The following GARIN5A variants were observed in gnomAD, a reference collection of about 807,000 sequenced individuals.
GARIN5A encodes Golgi-associated RAB2 interactor protein 5A.
the GARIN5A span, chr19:50,467,949 C>A: frequency 1.2e-6 from 1 of 837,100 alleles, no homozygotes; most frequent in Non-Finnish European, 1.9e-6. Flanking sequence ...TTTCCACTTT[C>A]ATTGCCTCTT....
chr19:50,473,274 GTCCT>G, the GARIN5A span, among the ~76,000 whole-genome samples: 12 of 152,120 alleles, frequency 7.9e-5, no homozygotes, highest in East Asian at 3.9e-4. Context: ...ATGTGAGTTT[GTCCT>G]TCCTTCCTTC....
chr19:50,474,470 C>T, the GARIN5A span, among the ~76,000 whole-genome samples: 896 of 152,096 alleles, frequency 5.9e-3, 10 homozygotes, highest in African/African-American at 0.021. Flanking sequence ...CTCAGCCTCC[C>T]GAGTAGCTGG....
the GARIN5A span, chr19:50,467,931 C>G: frequency 1.0e-6 from 1 of 979,168 alleles, no homozygotes; most frequent in Non-Finnish European, 1.6e-6. Context: ...CTCTGCCCCA[C>G]GAATCCCTTT....
At chr19:50,475,627 T>C in the GARIN5A span, 1 of 716,986 alleles carries the variant, frequency 1.4e-6, no homozygotes, top group East Asian at 2.7e-5. Context: ...GGGTGTGAAG[T>C]CAGGGAAACT....
the GARIN5A span, chr19:50,475,276 G>A: frequency 1.3e-6 from 2 of 1,529,888 alleles, no homozygotes; most frequent in Non-Finnish European, 1.8e-6. Flanking sequence ...GGGCTCAGGT[G>A]CCTGGAGCTG....
At chr19:50,471,731 CGTGTGTGTATACGCATACATGCAT>C in the GARIN5A span, among the ~76,000 whole-genome samples, 1 of 75,000 alleles carries the variant, frequency 1.3e-5, no homozygotes, top group Non-Finnish European at 2.5e-5. Context: ...CATACATGCA[CGTGTGTGTATACGCATACATGCAT>C]GTGTATACGC....
At chr19:50,467,684 G>A in the GARIN5A span, 18 of 1,589,064 alleles carry the variant, frequency 1.1e-5, no homozygotes, top group Admixed American at 2.3e-4. Flanking sequence ...TAGAGCAGCC[G>A]CACCCACTGG....
chr19:50,472,317 G>A, the GARIN5A span, among the ~76,000 whole-genome samples: 1 of 151,164 alleles, frequency 6.6e-6, no homozygotes. Flanking sequence ...ACATGTATGT[G>A]TGTATATATA....
the GARIN5A span, chr19:50,476,012 G>A: frequency 3.7e-6 from 6 of 1,602,846 alleles, no homozygotes; most frequent in South Asian, 2.2e-5. Context: ...CCAACTGAGA[G>A]GGCCCGGCAC....
chr19:50,476,606 C>T, the GARIN5A span: 5 of 1,565,562 alleles, frequency 3.2e-6, no homozygotes, highest in African/African-American at 4.1e-5. Context: ...GCGGTAGCAG[C>T]GCCCAGTCGA....
the GARIN5A span, among the ~76,000 whole-genome samples, chr19:50,472,033 CGT>C: frequency 0.025 from 2,945 of 116,672 alleles, 142 homozygotes; most frequent in African/African-American, 0.11. Context: ...TGTATATGTA[CGT>C]GTGTGTATAT....
the GARIN5A span, chr19:50,476,674 C>T: frequency 6.9e-7 from 1 of 1,450,912 alleles, no homozygotes; most frequent in Non-Finnish European, 9.1e-7. Flanking sequence ...TGCTCTTTAG[C>T]TGTGCATAGC....
the GARIN5A span, among the ~76,000 whole-genome samples, chr19:50,469,979 TC>T: frequency 1.3e-5 from 2 of 152,136 alleles, no homozygotes; most frequent in South Asian, 4.1e-4. Context: ...ACCCAGTTTT[TC>T]CCCCGACAAC....
chr19:50,471,932 A>G, the GARIN5A span, among the ~76,000 whole-genome samples: 1 of 149,976 alleles, frequency 6.7e-6, no homozygotes, highest in African/African-American at 2.5e-5. Flanking sequence ...ATATACATGT[A>G]TGTGTGTAAG....
chr19:50,468,763 G>A, the GARIN5A span, among the ~76,000 whole-genome samples: 1 of 152,026 alleles, frequency 6.6e-6, no homozygotes, highest in Non-Finnish European at 1.5e-5. Flanking sequence ...CACCATGCCT[G>A]GCTAATTTTT....
At chr19:50,469,082 G>A in the GARIN5A span, among the ~76,000 whole-genome samples, 1 of 152,130 alleles carries the variant, frequency 6.6e-6, no homozygotes, top group Non-Finnish European at 1.5e-5. Flanking sequence ...CTGTGGCTCT[G>A]GCTCAACAGG....
the GARIN5A span, chr19:50,476,736 C>G: frequency 1.1e-6 from 1 of 901,324 alleles, no homozygotes; most frequent in Non-Finnish European, 1.6e-6. Context: ...GAGTTACAGA[C>G]GGAAGGAGGC....
chr19:50,476,628 C>T, the GARIN5A span: 3 of 1,550,354 alleles, frequency 1.9e-6, no homozygotes, highest in Non-Finnish European at 2.6e-6. Flanking sequence ...CCCGGGGCAG[C>T]GGCTGCCGGG....
chr19:50,471,973 T>C, the GARIN5A span, among the ~76,000 whole-genome samples: 2 of 149,566 alleles, frequency 1.3e-5, no homozygotes, highest in East Asian at 3.9e-4. Flanking sequence ...TATATATACA[T>C]GTATGTGTGT....
Sources: gnomAD v4.1 joint callset for allele counts (sites outside exome capture counted in the v4.1 genomes callset) on GRCh38, gnomAD v4.1.1 for gene constraint, MANE v1.5 for transcripts, NCBI Gene and HGNC (gene_info 2026-07-23, HGNC 2026-07-21) for gene names.